SGCZ: variants seen among roughly 807,000 people sequenced by gnomAD.
SGCZ encodes the protein zeta-sarcoglycan.
A neutral mutation model predicts 41.3 loss-of-function variants in SGCZ; 40 were observed. That is an observed-to-expected ratio of 0.97 (90% CI 0.75 to 1.26). The LOEUF is 1.26. Ranked by LOEUF, SGCZ falls within the 50% of genes most tolerant of loss-of-function variation. SGCZ has a pLI of 0.00. For synonymous variants in SGCZ, 206 were observed against 137.5 expected (o/e 1.50, Z -3.49); for missense variants, 552 against 369.8 (o/e 1.49, Z -4.04).
chr8:14,546,063 AT>A (rs2117164212), intron 2 of SGCZ, among the ~76,000 whole-genome samples: 1 of 152,290 alleles, frequency 6.6e-6, no homozygotes, highest in Non-Finnish European at 1.5e-5. Context: ...GAGAGGGACA[AT>A]TTGTCAGAAA....
intron 2 of SGCZ, among the ~76,000 whole-genome samples, chr8:14,514,811 G>C (rs1459556874): frequency 1.1e-4 from 8 of 73,664 alleles, no homozygotes; most frequent in Non-Finnish European, 2.0e-4. Flanking sequence ...GTGTGTGTGT[G>C]TGTATATATA....
At chr8:14,645,980 T>A (rs538417329) in intron 1 of SGCZ, among the ~76,000 whole-genome samples, 1 of 151,370 alleles carries the variant, frequency 6.6e-6, no homozygotes, top group South Asian at 2.1e-4. Flanking sequence ...ACGAGAAAAA[T>A]TGGAAATTCA....
chr8:14,329,707 G>A (rs10097709), intron 2 of SGCZ, among the ~76,000 whole-genome samples: 9,976 of 152,046 alleles, frequency 0.066, 585 homozygotes, highest in African/African-American at 0.15. Context: ...CTTGTTTAGG[G>A]GAAATATTAT....
intron 2 of SGCZ, among the ~76,000 whole-genome samples, chr8:14,550,884 C>G (rs1289005611): frequency 6.6e-6 from 1 of 151,838 alleles, no homozygotes; most frequent in East Asian, 1.9e-4. Flanking sequence ...TAAAATTTCC[C>G]AATTCCCTTT....
chr8:14,615,784 G>A (rs533750508), intron 1 of SGCZ, among the ~76,000 whole-genome samples: 10 of 152,042 alleles, frequency 6.6e-5, no homozygotes, highest in Non-Finnish European at 1.0e-4. Context: ...TCTGTACCTC[G>A]CAACACAGAA....
chr8:14,143,989 C>A (rs191929491), intron 5 of SGCZ, among the ~76,000 whole-genome samples: 2 of 152,216 alleles, frequency 1.3e-5, no homozygotes, highest in East Asian at 1.9e-4. Flanking sequence ...TCCCAGTGAC[C>A]CAAACTTCAC....
At chr8:14,683,405 G>T (rs935683772) in intron 1 of SGCZ, among the ~76,000 whole-genome samples, 1 of 151,904 alleles carries the variant, frequency 6.6e-6, no homozygotes, top group Non-Finnish European at 1.5e-5. Flanking sequence ...AAGAATTTAA[G>T]AATTGGAAAA....
chr8:14,486,121 A>C (rs991883604), intron 2 of SGCZ, among the ~76,000 whole-genome samples: 7 of 152,334 alleles, frequency 4.6e-5, no homozygotes, highest in Admixed American at 2.0e-4. Context: ...TATGTTTAGC[A>C]TGCTCGTTTT....
chr8:15,041,094 A>AT (rs1423082010), intron 1 of SGCZ, among the ~76,000 whole-genome samples: 1 of 151,912 alleles, frequency 6.6e-6, no homozygotes, highest in Non-Finnish European at 1.5e-5. Flanking sequence ...ATATCAAACT[A>AT]TTTTTTAGAG....
At chr8:15,047,064 T>A (rs1804331792) in intron 1 of SGCZ, among the ~76,000 whole-genome samples, 1 of 152,062 alleles carries the variant, frequency 6.6e-6, no homozygotes, top group Non-Finnish European at 1.5e-5. Context: ...TTGATAGTTC[T>A]AAGGCTTTGA....
At chr8:14,682,644 C>A (rs1035510334) in intron 1 of SGCZ, among the ~76,000 whole-genome samples, 1 of 152,186 alleles carries the variant, frequency 6.6e-6, no homozygotes, top group Non-Finnish European at 1.5e-5. Context: ...CTGTGTTAGC[C>A]AGGATGGTCT....
chr8:15,159,581 C>T (rs1044113078), intron 1 of SGCZ, among the ~76,000 whole-genome samples: 3 of 152,164 alleles, frequency 2.0e-5, no homozygotes, highest in African/African-American at 4.8e-5. Context: ...CACTGCAGAA[C>T]TGATTGCTTG....
At chr8:14,415,446 C>A (rs1003245698) in intron 2 of SGCZ, among the ~76,000 whole-genome samples, 5 of 151,886 alleles carry the variant, frequency 3.3e-5, no homozygotes, top group African/African-American at 1.2e-4. Flanking sequence ...ATGATGAATG[C>A]ATATTTTAAT....
At chr8:14,142,109 T>A (rs11778510) in intron 5 of SGCZ, among the ~76,000 whole-genome samples, 32,238 of 151,938 alleles carry the variant, frequency 0.21, 3,607 homozygotes, top group Middle Eastern at 0.27. Flanking sequence ...TAGGTGGGAA[T>A]TGAACAATGA....
intron 4 of SGCZ, among the ~76,000 whole-genome samples, chr8:14,207,665 T>G (rs78704727): frequency 6.6e-6 from 1 of 152,072 alleles, no homozygotes; most frequent in Non-Finnish European, 1.5e-5. Flanking sequence ...AAATGAAAAC[T>G]AGAGGACAAA....
chr8:14,711,146 T>C (rs1809501317), intron 1 of SGCZ, among the ~76,000 whole-genome samples: 2 of 152,148 alleles, frequency 1.3e-5, no homozygotes, highest in African/African-American at 4.8e-5. Flanking sequence ...ATAGAAGACA[T>C]ACTGAGCAAG....
intron 2 of SGCZ, among the ~76,000 whole-genome samples, chr8:14,412,789 A>T (rs1161217738): frequency 6.6e-6 from 1 of 152,068 alleles, no homozygotes; most frequent in Non-Finnish European, 1.5e-5. Flanking sequence ...AATAGCAGCA[A>T]CTATAAGGAT....
At chr8:14,950,468 G>C (rs1268439941) in intron 1 of SGCZ, among the ~76,000 whole-genome samples, 4 of 151,026 alleles carry the variant, frequency 2.6e-5, no homozygotes. Context: ...CCTTTTATCA[G>C]AAGTGTCAAG....
chr8:14,178,592 T>C (rs2117017043), intron 4 of SGCZ, among the ~76,000 whole-genome samples: 1 of 152,324 alleles, frequency 6.6e-6, no homozygotes, highest in Admixed American at 6.5e-5. Context: ...TTTGATACTA[T>C]TGGTTAAGTG....
Sources: gnomAD v4.1 joint callset for allele counts (sites outside exome capture counted in the v4.1 genomes callset) on GRCh38, gnomAD v4.1.1 for gene constraint, MANE v1.5 for transcripts, NCBI Gene and HGNC (gene_info 2026-07-23, HGNC 2026-07-21) for gene names.